Variants in ZFAND3 observed in about 807,000 individuals in gnomAD.
ZFAND3 encodes AN1-type zinc finger protein 3.
Under a neutral mutation model 29.6 loss-of-function variants are expected in ZFAND3, and 10 were observed. The observed-to-expected ratio is 0.34, with a 90% CI of 0.21 to 0.57. The LOEUF (loss-of-function observed/expected upper bound fraction) is 0.57. Among genes scored for constraint, ZFAND3 ranks in the 20% least tolerant of loss-of-function variants. The probability of loss-of-function intolerance (pLI) is 0.86; values close to 1 mark genes in which losing one functional copy is unlikely to be tolerated. For synonymous variants in ZFAND3, 128 were observed against 112.6 expected, an observed-to-expected ratio of 1.14 and a Z score of -0.87; for missense variants, 230 against 304.5, an observed-to-expected ratio of 0.76 and a Z score of 1.82.
intron 3 of ZFAND3, among the ~76,000 whole-genome samples, chr6:38,077,394 A>C (rs1035570469): frequency 6.6e-6 from 1 of 152,202 alleles, no homozygotes; most frequent in Non-Finnish European, 1.5e-5. Flanking sequence ...ATTAGCCTAC[A>C]GTGCCTTTAG....
chr6:38,051,835 G>A (rs1764033401), intron 2 of ZFAND3, among the ~76,000 whole-genome samples: 1 of 152,176 alleles, frequency 6.6e-6, no homozygotes, highest in Non-Finnish European at 1.5e-5. Flanking sequence ...ACATGTTATT[G>A]TAGTACTAAT....
intron 2 of ZFAND3, among the ~76,000 whole-genome samples, chr6:37,952,518 AT>A (rs1368896693): frequency 4.6e-5 from 7 of 151,460 alleles, no homozygotes; most frequent in Non-Finnish European, 7.4e-5. Context: ...GTCTCTGATA[AT>A]TTTTTTTTAA....
At chr6:38,098,871 A>G (rs1407001634) in intron 4 of ZFAND3, among the ~76,000 whole-genome samples, 1 of 152,100 alleles carries the variant, frequency 6.6e-6, no homozygotes. Flanking sequence ...TTTGTCTTCA[A>G]TACATATATA....
At chr6:38,104,898 T>C (rs1266329166) in intron 4 of ZFAND3, among the ~76,000 whole-genome samples, 2 of 152,176 alleles carry the variant, frequency 1.3e-5, no homozygotes, top group Non-Finnish European at 2.9e-5. Flanking sequence ...AAGGTACTCT[T>C]ATGGGAAAGC....
intron 2 of ZFAND3, among the ~76,000 whole-genome samples, chr6:37,991,889 T>A (rs925901210): frequency 1.3e-5 from 2 of 152,208 alleles, no homozygotes; most frequent in Non-Finnish European, 2.9e-5. Flanking sequence ...GAGTTTTGGT[T>A]ATTAAACTTT....
At chr6:37,861,665 A>G (rs1764494104) in intron 1 of ZFAND3, among the ~76,000 whole-genome samples, 1 of 152,228 alleles carries the variant, frequency 6.6e-6, no homozygotes, top group South Asian at 2.1e-4. Context: ...CTAGGTTTTC[A>G]TCCTCCATAT....
At chr6:38,100,746 A>G (rs1159741716) in intron 4 of ZFAND3, among the ~76,000 whole-genome samples, 1 of 152,246 alleles carries the variant, frequency 6.6e-6, no homozygotes, top group Non-Finnish European at 1.5e-5. Context: ...TTTTTTTAAC[A>G]TAATTTCAGA....
chr6:38,025,067 A>G (rs1763422683), intron 2 of ZFAND3, among the ~76,000 whole-genome samples: 3 of 152,200 alleles, frequency 2.0e-5, no homozygotes, highest in Admixed American at 1.3e-4. Context: ...GATCATTCTG[A>G]GAGCTACTCT....
chr6:38,107,048 T>A (rs1423900681), intron 4 of ZFAND3, among the ~76,000 whole-genome samples: 1 of 152,156 alleles, frequency 6.6e-6, no homozygotes, highest in East Asian at 1.9e-4. Context: ...AATTGAGTAA[T>A]GCAGCTATGA....
chr6:37,920,162 T>A (rs13207452), intron 1 of ZFAND3, among the ~76,000 whole-genome samples: 1 of 149,742 alleles, frequency 6.7e-6, no homozygotes, highest in Admixed American at 6.8e-5. Context: ...TTCTGAAAGA[T>A]AACTTTAGGG....
At chr6:37,900,020 G>A (rs1328355321) in intron 1 of ZFAND3, among the ~76,000 whole-genome samples, 1 of 152,122 alleles carries the variant, frequency 6.6e-6, no homozygotes, top group Admixed American at 6.5e-5. Flanking sequence ...TTTTGGGTAA[G>A]ATTGTTTTAT....
intron 2 of ZFAND3, among the ~76,000 whole-genome samples, chr6:38,007,168 A>G (rs1763065246): frequency 6.6e-6 from 1 of 152,246 alleles, no homozygotes; most frequent in South Asian, 2.1e-4. Context: ...ATGTAACAAT[A>G]TAGCATATAT....
chr6:38,009,358 G>A (rs1763106551), intron 2 of ZFAND3, among the ~76,000 whole-genome samples: 2 of 152,066 alleles, frequency 1.3e-5, no homozygotes, highest in Admixed American at 6.5e-5. Context: ...TACTTCTGGT[G>A]GTGTATTTCT....
At chr6:38,062,268 A>G (rs1469766119) in intron 3 of ZFAND3, 2 of 155,176 alleles carry the variant, frequency 1.3e-5, no homozygotes, top group African/African-American at 2.4e-5. Flanking sequence ...TTTAACTGAG[A>G]TAGCACTATA....
chr6:37,930,080 A>G, intron 2 of ZFAND3, 81 bp downstream of exon 2: 1 of 1,356,492 alleles, frequency 7.4e-7, no homozygotes, highest in African/African-American at 1.5e-5. Flanking sequence ...AGACTAAATC[A>G]TTTGACCCTA....
chr6:37,850,650 G>A (rs536770454), intron 1 of ZFAND3, among the ~76,000 whole-genome samples: 24 of 152,314 alleles, frequency 1.6e-4, no homozygotes, highest in South Asian at 6.2e-4. Flanking sequence ...GCCTAGTTGT[G>A]TAGTAGGATA....
chr6:38,026,466 T>C (rs1763451951), intron 2 of ZFAND3, among the ~76,000 whole-genome samples: 1 of 136,350 alleles, frequency 7.3e-6, no homozygotes, highest in Non-Finnish European at 1.5e-5. Context: ...AGTCTCACTC[T>C]GTCACCCAGG....
intron 2 of ZFAND3, among the ~76,000 whole-genome samples, chr6:38,011,738 G>C (rs1334626874): frequency 2.0e-5 from 3 of 152,098 alleles, no homozygotes; most frequent in African/African-American, 7.2e-5. Flanking sequence ...ATATTAATTG[G>C]TTTTGTAGTT....
At chr6:37,930,040 TC>T (rs747244425) in intron 2 of ZFAND3, 41 bp downstream of exon 2, 1 of 1,543,010 alleles carries the variant, frequency 6.5e-7, no homozygotes, top group Admixed American at 2.0e-5. Flanking sequence ...CTTTCATTTT[TC>T]TTTCTTTTTT....
Sources: gnomAD v4.1 joint callset for allele counts (sites outside exome capture counted in the v4.1 genomes callset) on GRCh38, gnomAD v4.1.1 for gene constraint, MANE v1.5 for transcripts, NCBI Gene and HGNC (gene_info 2026-07-23, HGNC 2026-07-21) for gene names.